KLHL2: variants seen among roughly 807,000 people sequenced by gnomAD.
KLHL2 encodes kelch-like protein 2.
A neutral mutation model predicts 75.8 loss-of-function variants in KLHL2; 15 were observed. The ratio of observed to expected loss-of-function variants is 0.20; its 90% CI spans 0.13 to 0.30. The LOEUF is 0.30. KLHL2 is among the 10% of genes least tolerant of loss of function. The pLI is 1.00. For synonymous variants in KLHL2, 214 were observed against 251.9 expected (o/e 0.85, Z 1.42); for missense variants, 381 against 741.0 (o/e 0.51, Z 5.64).
chr4:165,254,678 A>G (rs906678229), intron 4 of KLHL2, among the ~76,000 whole-genome samples: 1 of 152,242 alleles, frequency 6.6e-6, no homozygotes, highest in Non-Finnish European at 1.5e-5. Context: ...AAAGAAAAGT[A>G]AAAACATTTT....
At chr4:165,216,442 A>C (rs1340735612) in intron 1 of KLHL2, among the ~76,000 whole-genome samples, 1 of 152,222 alleles carries the variant, frequency 6.6e-6, no homozygotes, top group Admixed American at 6.5e-5. Context: ...AAAGACTTAA[A>C]GGTGAAAGGA....
At position 165,283,963 on chromosome 4, in the gene KLHL2, C is replaced by T. The variant is rs754458373; in HGVS notation, c.545-10396C>T. Among the ~76,000 whole-genome samples the T allele has an allele frequency of 3.3e-4, 50 of 152,344 alleles. No homozygotes were observed. The East Asian group carries it at 5.6e-3, about 17-fold the overall frequency. On this transcript the variant is annotated intron_variant, in intron 5 of 14. Transcript: ENST00000226725. ...TTGAGGCTTGCACCCTTGGAGGCCA[C>T]GGCCTGAGCTCTATGTTGGCCCCTT...
chr4:165,295,598 T>G (rs903637080), intron 6 of KLHL2, among the ~76,000 whole-genome samples: 3 of 152,182 alleles, frequency 2.0e-5, no homozygotes, highest in African/African-American at 7.2e-5. Flanking sequence ...AGCATTTAAC[T>G]TTTCCAGGAA....
At chr4:165,219,315 G>A (rs1412830385) in intron 1 of KLHL2, among the ~76,000 whole-genome samples, 3 of 152,186 alleles carry the variant, frequency 2.0e-5, no homozygotes, top group Non-Finnish European at 4.4e-5. Context: ...CTGTTAAATG[G>A]GGATAATAAT....
intron 5 of KLHL2, among the ~76,000 whole-genome samples, chr4:165,275,109 T>TTTATG (rs929995606): frequency 3.4e-5 from 5 of 148,524 alleles, no homozygotes; most frequent in African/African-American, 1.3e-4. Context: ...TTTATTTTAT[T>TTTATG]TTATTTTATT....
intron 4 of KLHL2, among the ~76,000 whole-genome samples, chr4:165,249,598 A>G: frequency 6.6e-6 from 1 of 152,184 alleles, no homozygotes; most frequent in East Asian, 1.9e-4. Flanking sequence ...GTACTGGGAA[A>G]ACTCTGACAA....
rs370695444 is a variant in KLHL2 at position 165,293,314 on chromosome 4, T to G, written c.545-1045T>G. On this transcript the variant is annotated intron_variant, in intron 5 of 14. Coordinates refer to ENST00000226725, the MANE Select transcript of KLHL2 (RefSeq NM_007246.4). ...GCCAAAAGGCCAAGAAGCGATCTTT[T>G]TTCCCCTTGGGAAGAGTGGCCATAT... 2.0e-5 allele frequency among the ~76,000 whole-genome samples: 3 copies of G among 152,342 alleles called. No individual in the cohort carries two copies. The East Asian group carries it at 5.8e-4, about 29-fold the overall frequency.
At chr4:165,289,509 G>GTTTTTTTT (rs1194080743) in intron 5 of KLHL2, among the ~76,000 whole-genome samples, 16 of 112,936 alleles carry the variant, frequency 1.4e-4, no homozygotes, top group African/African-American at 1.8e-4. Flanking sequence ...TTTTGGTTTG[G>GTTTTTTTT]TTTTTTTTTT....
chr4:165,310,291 C>T lies in KLHL2; in HGVS notation c.1040-262C>T, dbSNP rs1438498135. 3.9e-5 allele frequency among the ~76,000 whole-genome samples: 6 copies of T among 152,240 alleles called. No homozygotes were observed. In the East Asian group the frequency reaches 5.8e-4, roughly 15 times the overall value. ...AGTGAGCTGAGATGGCGCCACTGCA[C>T]TCCAGCCTGGGCGACAGAGTGAGAC... On this transcript the variant is annotated intron_variant, in intron 9 of 14. Transcript: ENST00000226725.
intron 5 of KLHL2, among the ~76,000 whole-genome samples, chr4:165,268,231 C>CT (rs1274575435): frequency 6.6e-6 from 1 of 152,062 alleles, no homozygotes; most frequent in African/African-American, 2.4e-5. Context: ...TGCTAGCAGT[C>CT]TATCAATTTT....
intron 5 of KLHL2, among the ~76,000 whole-genome samples, chr4:165,265,338 C>G (rs1244304231): frequency 6.6e-6 from 1 of 151,980 alleles, no homozygotes; most frequent in East Asian, 1.9e-4. Context: ...TGTGTTTACT[C>G]TGGTGATTAT....
chr4:165,311,427 T>C (rs1310638596), intron 10 of KLHL2, 37 bp from the exon 11 acceptor site: 1 of 1,445,748 alleles, frequency 6.9e-7, no homozygotes, highest in Non-Finnish European at 9.7e-7. Flanking sequence ...TGACATTTTT[T>C]AGAGAAGGAA....
At chr4:165,229,607 G>T (rs1183091484) in intron 3 of KLHL2, among the ~76,000 whole-genome samples, 1 of 152,188 alleles carries the variant, frequency 6.6e-6, no homozygotes, top group Non-Finnish European at 1.5e-5. Flanking sequence ...AAACTATTAA[G>T]TATTTCTGGT....
In KLHL2 at chr4:165,210,590, A is replaced by G. The variant is rs533620990; in HGVS notation, c.26+2688A>G. ...CTGGGTGATATTGAGACTGTGTTAC[A>G]TTTGCTTCTGATCAAACCTGAAAGA... On this transcript the variant is annotated intron_variant, in intron 1 of 14. Coordinates refer to ENST00000226725, the MANE Select transcript of KLHL2 (RefSeq NM_007246.4). 3.9e-5 allele frequency among the ~76,000 whole-genome samples: 6 copies of G among 152,286 alleles called. No individual in the cohort carries two copies. The South Asian group carries it at 1.2e-3, about 32-fold the overall frequency.
intron 5 of KLHL2, among the ~76,000 whole-genome samples, chr4:165,264,715 T>TAC (rs1742045222): frequency 5.1e-4 from 39 of 75,856 alleles, no homozygotes; most frequent in African/African-American, 1.6e-3. Flanking sequence ...TATATATATA[T>TAC]ATATACATAT....
At chr4:165,215,124 A>T (rs1457364477) in intron 1 of KLHL2, among the ~76,000 whole-genome samples, 2 of 152,186 alleles carry the variant, frequency 1.3e-5, no homozygotes, top group East Asian at 3.9e-4. Context: ...TAAATTCCAG[A>T]CATGTGAAGA....
chr4:165,257,817 G>A (rs1741307347), intron 4 of KLHL2, among the ~76,000 whole-genome samples: 1 of 151,998 alleles, frequency 6.6e-6, no homozygotes, highest in Non-Finnish European at 1.5e-5. Flanking sequence ...TGATCCTACT[G>A]CCACAGAGCT....
chr4:165,209,897 T>C (rs1214537212), intron 1 of KLHL2: 2 of 755,312 alleles, frequency 2.6e-6, no homozygotes, highest in East Asian at 2.8e-5. Flanking sequence ...AAATAGTTTT[T>C]TTCCTTGCCA....
chr4:165,294,172 C>T (rs963866633), intron 5 of KLHL2, among the ~76,000 whole-genome samples, 187 bp from the exon 6 acceptor site: 2 of 152,184 alleles, frequency 1.3e-5, no homozygotes, highest in Admixed American at 6.5e-5. Context: ...AAACAAATCA[C>T]TGAAGGTACA....
Sources: gnomAD v4.1 joint callset for allele counts (sites outside exome capture counted in the v4.1 genomes callset) on GRCh38, gnomAD v4.1.1 for gene constraint, MANE v1.5 for transcripts, NCBI Gene and HGNC (gene_info 2026-07-23, HGNC 2026-07-21) for gene names.